The following MROH9 variants were observed in gnomAD, a reference collection of about 807,000 sequenced individuals.
The protein encoded by MROH9 is maestro heat-like repeat-containing protein family member 9.
In MROH9, 92 loss-of-function variants were observed where a neutral mutation model predicts 98.2. The ratio of observed to expected loss-of-function variants is 0.94; its 90% CI spans 0.79 to 1.11. The LOEUF (loss-of-function observed/expected upper bound fraction) is 1.11. Ranked by LOEUF, MROH9 falls within the 50% of genes most tolerant of loss-of-function variation. The probability of loss-of-function intolerance (pLI) is 0.00; values close to 1 mark genes in which losing one functional copy is unlikely to be tolerated. For missense variants in MROH9, 1,057 were observed against 1,014.8 expected, an observed-to-expected ratio of 1.04 and a Z score of -0.57; for synonymous variants, 397 against 368.9, an observed-to-expected ratio of 1.08 and a Z score of -0.87.
chr1:171,035,162 C>T lies in MROH9; in HGVS notation c.2281+9742C>T, dbSNP rs140312798. On this transcript the variant is annotated intron_variant, in intron 20 of 21. Coordinates refer to ENST00000367759, the MANE Select transcript of MROH9 (RefSeq NM_001163629.2). ...GACAAAAAATTTAAAAATCAAGCAA[C>T]AAGCTGAGAGAAATATTTGCACATG... is the stretch of plus-strand genomic sequence containing the variant. 6.9e-3 allele frequency among the ~76,000 whole-genome samples: 1,051 copies of T among 151,668 alleles called. 12 individuals are homozygous for T. Among genetic ancestry groups the T allele is most frequent in the African/African-American group, 0.024 (1,012 of 41,374 alleles).
chr1:170,995,661 T>C, intron 13 of MROH9, 130 bp downstream of exon 13: 1 of 1,082,346 alleles, frequency 9.2e-7, no homozygotes, highest in Non-Finnish European at 1.3e-6. Flanking sequence ...TACAGTTTTC[T>C]CTCCTCTGAA....
chr1:171,025,687 A>C (rs1652685992), intron 20 of MROH9, among the ~76,000 whole-genome samples: 1 of 152,158 alleles, frequency 6.6e-6, no homozygotes, highest in African/African-American at 2.4e-5. Flanking sequence ...ACCATTGTTC[A>C]TTTTTCCCCT....
At chr1:170,969,128 A>C (rs2101900723) in intron 7 of MROH9, among the ~76,000 whole-genome samples, 2 of 152,366 alleles carry the variant, frequency 1.3e-5, no homozygotes, top group East Asian at 3.9e-4. Context: ...AAAAACTTGT[A>C]CAAAGTGTTC....
At chr1:171,019,477 C>A (rs1048964614) in intron 17 of MROH9, among the ~76,000 whole-genome samples, 2 of 151,954 alleles carry the variant, frequency 1.3e-5, no homozygotes, top group Non-Finnish European at 1.5e-5. Context: ...GATGGTGAAA[C>A]CCCATCTCTA....
chr1:170,953,410 C>CAA (rs142001503), intron 3 of MROH9, among the ~76,000 whole-genome samples: 14,487 of 150,450 alleles, frequency 0.096, 767 homozygotes, highest in Non-Finnish European at 0.11. Flanking sequence ...CATCTAAAAA[C>CAA]AAAAAAAAAC....
At chr1:170,997,455 G>A (rs1651623572) in intron 14 of MROH9, among the ~76,000 whole-genome samples, 1 of 152,140 alleles carries the variant, frequency 6.6e-6, no homozygotes. Context: ...TAAAAATTCA[G>A]AATCTCATGG....
chr1:170,993,823 C>T (rs948168263), intron 12 of MROH9, among the ~76,000 whole-genome samples: 1 of 151,946 alleles, frequency 6.6e-6, no homozygotes, highest in African/African-American at 2.4e-5. Flanking sequence ...TGCAATTGCC[C>T]ATAATTTATT....
chr1:170,979,208 T>G (rs2101795102), intron 8 of MROH9, among the ~76,000 whole-genome samples: 1 of 152,354 alleles, frequency 6.6e-6, no homozygotes, highest in East Asian at 1.9e-4. Context: ...ATTGCAGTGA[T>G]CTGAAACCAA....
At chr1:170,991,747 A>C (rs1042655042) in intron 11 of MROH9, among the ~76,000 whole-genome samples, 5 of 151,906 alleles carry the variant, frequency 3.3e-5, no homozygotes, top group African/African-American at 1.2e-4. Flanking sequence ...AGGATTTTTT[A>C]ATTTTTATAT....
In MROH9 at chr1:171,024,761, A is replaced by T. The variant is rs568846755; in HGVS notation, c.2174A>T (p.Asn725Ile). The T allele has an allele frequency of 6.5e-7, 1 of 1,529,330 alleles. No individual in the cohort carries two copies. The highest frequency in any genetic ancestry group is 1.4e-5 in the African/African-American group (1 of 72,514). The allele number at this position is 1,529,330 out of a possible 1,614,324, so 94.7% of individuals were successfully genotyped here. ...FEMVVLNICN[N>I]LIISHRNYIT... ...ATGGTGGTGCTCAATATCTGTAACAATCTTGTAAGTGGCCCTTCCATTTTT... is the reference window on the plus strand; with the variant it reads ...ATGGTGGTGCTCAATATCTGTAACATTCTTGTAAGTGGCCCTTCCATTTTT... Residue 725 changes from asparagine to isoleucine, a missense_variant, in exon 19 of 22, where the codon AAT becomes ATT. Asn to Ile is a moderately radical substitution (Grantham distance 149, BLOSUM62 -3). Transcript: ENST00000367759.
chr1:171,057,970 G>A (rs1051251541), intron 20 of MROH9, among the ~76,000 whole-genome samples: 48 of 151,802 alleles, frequency 3.2e-4, no homozygotes, highest in African/African-American at 1.2e-3. Context: ...AATATGGGGG[G>A]AAAAAAACAC....
At position 171,025,453 on chromosome 1, in the gene MROH9, G is replaced by A. The variant is rs1419365598; in HGVS notation, c.2281+33G>A. On this transcript the variant is annotated intron_variant, in intron 20 of 21. Transcript: ENST00000367759. ...TAATTCAGTTCTCAATTCCTAACTT[G>A]TCTTAAATGGTATAGAATGGAGAAG... 3 of 1,333,240 alleles carry A rather than the reference G, an allele frequency of 2.3e-6. No individual in the cohort carries two copies. In the East Asian group the frequency reaches 7.5e-5, roughly 33 times the overall value. The allele number at this position is 1,333,240 out of a possible 1,614,324, so 82.6% of individuals were successfully genotyped here. A position where few individuals can be genotyped will look rare whatever the true frequency, so the allele number is the denominator to read the frequency against.
intron 20 of MROH9, among the ~76,000 whole-genome samples, chr1:171,038,208 A>G (rs1015933041): frequency 5.9e-5 from 9 of 152,172 alleles, no homozygotes; most frequent in Admixed American, 2.6e-4. Flanking sequence ...CATGAGAAAA[A>G]GTAACAATAG....
intron 20 of MROH9, among the ~76,000 whole-genome samples, chr1:171,029,217 G>T (rs921343353): frequency 2.0e-5 from 3 of 152,006 alleles, no homozygotes; most frequent in East Asian, 1.9e-4. Context: ...TTTATTAAGA[G>T]GGTTTTGTTT....
rs746302834 is a variant in MROH9, at chr1:170,959,462, C to T, written c.153C>T (p.Ser51=). 3.1e-5 allele frequency: 49 copies of T among 1,595,536 alleles called. No homozygotes were observed. Among genetic ancestry groups the T allele is most frequent in the Non-Finnish European group, 3.8e-5 (44 of 1,172,942 alleles). The change falls in exon 5 of 22, where the codon AGC becomes AGT. Residue 51 remains serine (S), a splice_region_variant and synonymous_variant. Coordinates refer to ENST00000367759, the MANE Select transcript of MROH9 (RefSeq NM_001163629.2). ...NESMILAVNS[S]FVDPLLQFES... ...AATAATTGCTCCTTTTTCTTGTCAG[C>T]TTTGTGGATCCCTTACTGCAGTTTG...
Position 171,018,377 on chromosome 1 carries a change from C to T in MROH9, c.1908+2041C>T, listed in dbSNP as rs147466238. Among the ~76,000 whole-genome samples the T allele has an allele frequency of 6.5e-3, 987 of 151,870 alleles. 16 individuals carry two copies. The highest frequency in any genetic ancestry group is 0.022 in the African/African-American group (894 of 41,454). On this transcript the variant is annotated intron_variant, in intron 17 of 21. Coordinates refer to ENST00000367759, the MANE Select transcript of MROH9 (RefSeq NM_001163629.2). Reference sequence around the variant, plus strand: ...AGCACCAACAAAAAAAAAAAAGTCCCCACAAAAACCCTATTCAAATGTCAG... The same window carrying T: ...AGCACCAACAAAAAAAAAAAAGTCCTCACAAAAACCCTATTCAAATGTCAG...
intron 8 of MROH9, among the ~76,000 whole-genome samples, chr1:170,976,110 C>G (rs1047674403): frequency 6.6e-6 from 1 of 152,092 alleles, no homozygotes; most frequent in African/African-American, 2.4e-5. Flanking sequence ...ATTAAGCTTG[C>G]CACTCTGTGC....
At chr1:171,008,208 A>C (rs1652026761) in intron 15 of MROH9, among the ~76,000 whole-genome samples, 1 of 152,142 alleles carries the variant, frequency 6.6e-6, no homozygotes, top group African/African-American at 2.4e-5. Flanking sequence ...TGAAATGTTG[A>C]ATTTTATTGA....
intron 15 of MROH9, among the ~76,000 whole-genome samples, chr1:170,999,539 T>C (rs570611053): frequency 6.6e-6 from 1 of 152,130 alleles, no homozygotes; most frequent in South Asian, 2.1e-4. Flanking sequence ...TATATATATA[T>C]ATACACACAC....
Sources: gnomAD v4.1 joint callset for allele counts (sites outside exome capture counted in the v4.1 genomes callset) on GRCh38, gnomAD v4.1.1 for gene constraint, MANE v1.5 for transcripts, NCBI Gene and HGNC (gene_info 2026-07-23, HGNC 2026-07-21) for gene names.